Variants in PPP1R42 observed in about 807,000 individuals in gnomAD.
PPP1R42 encodes protein phosphatase 1 regulatory subunit 42.
In PPP1R42, 34 loss-of-function variants were observed where a neutral mutation model predicts 31.0. The observed-to-expected ratio is 1.10, with a 90% confidence interval of 0.83 to 1.46. The LOEUF is 1.46. Among genes scored for constraint, PPP1R42 ranks in the 40% most tolerant of loss-of-function variants. The pLI is 0.00. For synonymous variants in PPP1R42, 103 were observed against 109.8 expected (o/e 0.94, Z 0.39); for missense variants, 268 against 303.0 (o/e 0.88, Z 0.86).
At chr8:67,011,011 T>C (rs1440898153) in intron 4 of PPP1R42, among the ~76,000 whole-genome samples, 180 bp from the exon 5 acceptor site, 1 of 152,168 alleles carries the variant, frequency 6.6e-6, no homozygotes, top group Non-Finnish European at 1.5e-5. Context: ...ATGAAAGTTT[T>C]AGAACCACAG....
intron 7 of PPP1R42, among the ~76,000 whole-genome samples, chr8:66,980,361 G>T (rs1387057324): frequency 6.6e-6 from 1 of 151,916 alleles, no homozygotes; most frequent in Non-Finnish European, 1.5e-5. Flanking sequence ...CAAGTAGCTG[G>T]GACGACAGGC....
At chr8:66,984,686 C>T in intron 6 of PPP1R42, 1 of 1,557,650 alleles carries the variant, frequency 6.4e-7, no homozygotes, top group Admixed American at 1.7e-5. Context: ...GCAGAGTTGG[C>T]CTCTTCATGC....
At chr8:66,973,269 T>C (rs542741627) in intron 7 of PPP1R42, among the ~76,000 whole-genome samples, 1 of 151,996 alleles carries the variant, frequency 6.6e-6, no homozygotes, top group Non-Finnish European at 1.5e-5. Flanking sequence ...TAACATGAGA[T>C]CTACCCTCCT....
intron 7 of PPP1R42, among the ~76,000 whole-genome samples, chr8:66,969,689 G>A (rs1294087218): frequency 1.3e-5 from 2 of 152,134 alleles, no homozygotes; most frequent in Non-Finnish European, 2.9e-5. Flanking sequence ...ATCATCCCTC[G>A]ATGGGACCCT....
intron 1 of PPP1R42, among the ~76,000 whole-genome samples, chr8:67,023,927 G>A (rs1335880858): frequency 6.6e-6 from 1 of 151,696 alleles, no homozygotes; most frequent in Non-Finnish European, 1.5e-5. Flanking sequence ...GGCAGATCAC[G>A]AGGCCAAGAG....
intron 5 of PPP1R42, among the ~76,000 whole-genome samples, chr8:67,003,386 C>CTTT (rs1284141606): frequency 1.1e-5 from 1 of 88,940 alleles, no homozygotes; most frequent in African/African-American, 4.4e-5. Flanking sequence ...CATTTTCATG[C>CTTT]TTCTTTTTTT....
chr8:66,965,444 C>CTT (rs113305646), intron 7 of PPP1R42, among the ~76,000 whole-genome samples: 21 of 139,216 alleles, frequency 1.5e-4, no homozygotes, highest in African/African-American at 3.7e-4. Context: ...CTTCTTTTTT[C>CTT]TTTTTTTTTT....
At chr8:66,988,638 T>C in intron 5 of PPP1R42, 121 bp from the exon 6 acceptor site, 7 of 837,806 alleles carry the variant, frequency 8.4e-6, no homozygotes, top group Non-Finnish European at 1.1e-5. Context: ...CAGAGCCAGG[T>C]ACTTAGAAGG....
At chr8:66,979,865 A>C (rs912279901) in intron 7 of PPP1R42, among the ~76,000 whole-genome samples, 6 of 152,156 alleles carry the variant, frequency 3.9e-5, no homozygotes, top group African/African-American at 1.4e-4. Flanking sequence ...ATTTCATTGA[A>C]GTTAACAATT....
intron 5 of PPP1R42, among the ~76,000 whole-genome samples, chr8:67,005,794 CTT>C (rs1815655419): frequency 6.6e-6 from 1 of 152,032 alleles, no homozygotes; most frequent in Non-Finnish European, 1.5e-5. Flanking sequence ...CAACTTATCT[CTT>C]TGCTGTAATT....
intron 5 of PPP1R42, among the ~76,000 whole-genome samples, chr8:67,007,652 C>T (rs976049104): frequency 6.6e-6 from 1 of 152,168 alleles, no homozygotes; most frequent in Non-Finnish European, 1.5e-5. Flanking sequence ...CAGCTGAGTA[C>T]AATGGAAGCT....
chr8:66,994,759 A>G (rs1156424299), intron 5 of PPP1R42, among the ~76,000 whole-genome samples: 2 of 152,216 alleles, frequency 1.3e-5, no homozygotes, highest in Admixed American at 6.5e-5. Context: ...TGGTGTGACT[A>G]AGGTTCCTTT....
intron 7 of PPP1R42, chr8:66,968,486 A>C: frequency 1.0e-6 from 1 of 985,210 alleles, no homozygotes; most frequent in Non-Finnish European, 1.2e-6. Context: ...TATAGAGTGT[A>C]GGGACACGTC....
chr8:66,998,650 A>G (rs1288044625), intron 5 of PPP1R42, among the ~76,000 whole-genome samples: 1 of 152,204 alleles, frequency 6.6e-6, no homozygotes, highest in African/African-American at 2.4e-5. Context: ...AAAGCATTCA[A>G]TCTTTCATCA....
intron 1 of PPP1R42, among the ~76,000 whole-genome samples, chr8:67,020,927 G>A (rs1563434955): frequency 6.6e-6 from 1 of 152,122 alleles, no homozygotes; most frequent in Non-Finnish European, 1.5e-5. Flanking sequence ...CTCCAGCCTG[G>A]GTGACAGAGG....
At chr8:66,980,237 T>A (rs780250138) in intron 7 of PPP1R42, among the ~76,000 whole-genome samples, 1 of 152,134 alleles carries the variant, frequency 6.6e-6, no homozygotes, top group Non-Finnish European at 1.5e-5. Flanking sequence ...TTATATTCTT[T>A]ATTTTTTTCA....
At chr8:67,003,338 G>GTT (rs34080545) in intron 5 of PPP1R42, among the ~76,000 whole-genome samples, 15 of 108,560 alleles carry the variant, frequency 1.4e-4, no homozygotes, top group East Asian at 5.7e-4. Flanking sequence ...TCATTTCTGG[G>GTT]TTTTTTTTTT....
Position 66,974,090 on chromosome 8 carries a change from T to G in PPP1R42, c.802+7959A>C, listed in dbSNP as rs577853948. On this transcript the variant is annotated intron_variant, in intron 7 of 7. Transcript: ENST00000685739. ...TTGGAAATCCTGATTTCAATTCTTT[T>G]GGATAAATATCCATAAGTGGGATTG... Among the ~76,000 whole-genome samples, 6 of 152,158 alleles carry G rather than the reference T, an allele frequency of 3.9e-5. No homozygotes were observed. In the South Asian group the frequency reaches 1.2e-3, roughly 32 times the overall value.
In PPP1R42 at chr8:67,014,535, T is replaced by G. The variant is rs773718013; in HGVS notation, c.187A>C (p.Ser63Arg). 16 of 1,554,064 alleles carry G rather than the reference T, an allele frequency of 1.0e-5. No individual in the cohort carries two copies. The highest frequency in any genetic ancestry group is 1.2e-5 in the Non-Finnish European group (14 of 1,135,684). The change falls in exon 3 of 8, where the codon AGT becomes CGT. Residue 63 changes from serine to arginine, a missense_variant. Coordinates refer to ENST00000685739, the MANE Select transcript of PPP1R42 (RefSeq NM_001364910.1). ...SVLYLYDNCI[S>R]QITNLNYATN... Reference sequence around the variant, plus strand: ...GCATAATTCAGGTTAGTGATTTGACTAATACAATTATCATATAAATATAAA... The same window carrying G: ...GCATAATTCAGGTTAGTGATTTGACGAATACAATTATCATATAAATATAAA...
Sources: allele counts gnomAD v4.1 joint callset (sites outside exome capture counted in the v4.1 genomes callset), GRCh38; gene constraint gnomAD v4.1.1; transcripts MANE v1.5; gene names NCBI Gene and HGNC (gene_info 2026-07-23, HGNC 2026-07-21).